Variants in TRRAP observed in about 807,000 individuals in gnomAD.
The protein encoded by TRRAP is transformation/transcription domain associated protein.
A neutral mutation model predicts 438.8 loss-of-function variants in TRRAP; 41 were observed. That is an observed-to-expected ratio of 0.09 (90% CI 0.07 to 0.12). The LOEUF (loss-of-function observed/expected upper bound fraction) is 0.12. Ranked by LOEUF, TRRAP falls within the 10% of genes least tolerant of loss-of-function variation. The pLI is 1.00. For synonymous variants in TRRAP, 1,994 were observed against 1,962.9 expected (o/e 1.02, Z -0.42); for missense variants, 3,122 against 5,055.1 (o/e 0.62, Z 11.60).
chr7:98,910,429 C>T lies in TRRAP; in HGVS notation c.1714+10C>T. 6.2e-7 allele frequency: 1 copy of T among 1,610,902 alleles called. No individual in the cohort carries two copies. The highest frequency in any genetic ancestry group is 8.5e-7 in the Non-Finnish European group (1 of 1,179,512). On this transcript the variant is annotated intron_variant, in intron 15 of 72. Transcript: ENST00000456197. ...TGCAAAGCACCTGGTGGTAATTCTG[C>T]TCTTCAGTTATGTAGACAAACAATA... is the stretch of plus-strand genomic sequence containing the variant.
At chr7:98,942,370 C>G (rs1790835259) in intron 30 of TRRAP, among the ~76,000 whole-genome samples, 1 of 152,218 alleles carries the variant, frequency 6.6e-6, no homozygotes, top group African/African-American at 2.4e-5. Context: ...CTGTCAGGGC[C>G]TTTGCCCTCC....
At chr7:99,002,196 T>C (rs1367882456) in intron 67 of TRRAP, among the ~76,000 whole-genome samples, 1 of 152,160 alleles carries the variant, frequency 6.6e-6, no homozygotes, top group African/African-American at 2.4e-5. Flanking sequence ...ATGGTGCAGC[T>C]CAGCAACTGA....
At chr7:98,934,006 T>C (rs1373755532) in intron 27 of TRRAP, among the ~76,000 whole-genome samples, 4 of 152,246 alleles carry the variant, frequency 2.6e-5, no homozygotes, top group African/African-American at 9.6e-5. Context: ...AGCCGAGTTC[T>C]TATTTTTTTT....
intron 67 of TRRAP, chr7:98,999,489 C>T (rs546287966): frequency 1.2e-5 from 9 of 770,494 alleles, no homozygotes; most frequent in African/African-American, 6.8e-5. Context: ...GAGAACTTAT[C>T]GTGAGCTCAG....
At chr7:98,945,677 T>C in intron 31 of TRRAP, 70 bp from the exon 32 acceptor site, 1 of 1,567,340 alleles carries the variant, frequency 6.4e-7, no homozygotes, top group Non-Finnish European at 8.6e-7. Flanking sequence ...CTTACTGTGT[T>C]TGAGTATGTG....
At position 98,953,191 on chromosome 7, in the gene TRRAP, G is replaced by T; in HGVS notation, c.5488G>T (p.Asp1830Tyr). The T allele has an allele frequency of 6.2e-7, 1 of 1,613,042 alleles. No individual in the cohort carries two copies. The change falls in exon 40 of 73, where the codon GAC becomes TAC. Residue 1830 changes from aspartate to tyrosine, a missense_variant. Coordinates refer to ENST00000456197, the MANE Select transcript of TRRAP (RefSeq NM_001375524.1). ...GGTCCTGGACCCCGAGAAGCAGGCG[G>T]ACATGCTGGACTCGCTGCGGATCTA... ...TKVLDPEKQADMLDSLRIYLL... is the reference protein window; with the variant it reads ...TKVLDPEKQAYMLDSLRIYLL...
intron 27 of TRRAP, 89 bp downstream of exon 27, chr7:98,933,491 T>C (rs1790418998): frequency 2.0e-6 from 3 of 1,499,412 alleles, no homozygotes; most frequent in Admixed American, 1.9e-5. Flanking sequence ...TCAGGCAGCA[T>C]TCAGAGAAGG....
intron 51 of TRRAP, 93 bp downstream of exon 51, chr7:98,967,791 A>G: frequency 8.9e-7 from 1 of 1,120,912 alleles, no homozygotes. Flanking sequence ...ACACACTGAG[A>G]TGAATTGGAA....
intron 19 of TRRAP, among the ~76,000 whole-genome samples, chr7:98,916,507 C>G (rs1163916835): frequency 6.6e-6 from 1 of 152,158 alleles, no homozygotes; most frequent in Non-Finnish European, 1.5e-5. Flanking sequence ...TGACCCTTCT[C>G]ATGTATTTCC....
Position 98,948,406 on chromosome 7 carries a change from G to A in TRRAP, c.4668+66G>A. 6 of 1,611,172 alleles carry A rather than the reference G, an allele frequency of 3.7e-6. No individual in the cohort carries two copies. The highest frequency in any genetic ancestry group is 5.1e-6 in the Non-Finnish European group (6 of 1,178,328). On this transcript the variant is annotated intron_variant, in intron 34 of 72. Transcript: ENST00000456197. This position sits in a 1 kb window ranked among gnomAD's most constrained non-coding sequence, Gnocchi z 4.9. ...TCCGGTGCTTATAGCGTCCTCACTT[G>A]ATCGTATTTTCAATGGACGGAACAG...
intron 4 of TRRAP, among the ~76,000 whole-genome samples, chr7:98,891,011 G>A (rs1795943060): frequency 6.7e-6 from 1 of 150,270 alleles, no homozygotes; most frequent in African/African-American, 2.4e-5. Context: ...GCCCAGGCTG[G>A]TCTTGAACTC....
chr7:98,972,776 T>C (rs1792476394), intron 53 of TRRAP, among the ~76,000 whole-genome samples: 1 of 152,220 alleles, frequency 6.6e-6, no homozygotes, highest in Admixed American at 6.5e-5. Context: ...CAAACTACTT[T>C]TCGCAAGTGA....
At position 98,910,226 on chromosome 7, in the gene TRRAP, TCCAC is replaced by T; in HGVS notation, c.1524_1527del (p.Pro509ArgfsTer10). The T allele has an allele frequency of 7.4e-6, 2 of 271,752 alleles. No individual in the cohort carries two copies. Among genetic ancestry groups the T allele is most frequent in the Non-Finnish European group, 1.0e-5 (2 of 195,590 alleles). The allele number at this position is 271,752 out of a possible 1,614,324, so 16.8% of individuals were successfully genotyped here. On this transcript the variant is annotated frameshift_variant, in exon 15 of 73. Coordinates refer to ENST00000456197, the MANE Select transcript of TRRAP (RefSeq NM_001375524.1). LOFTEE classifies it high-confidence loss of function. ...CCCCAGCCCCTGTCCCTGCCCCACCTCCACCCCCGCCCCCACCCCCACCTGCCAC... is the reference window on the plus strand; with the variant it reads ...CCCCAGCCCCTGTCCCTGCCCCACCTCCCCGCCCCCACCCCCACCTGCCAC...
At position 98,956,017 on chromosome 7, in the gene TRRAP, A is replaced by C; in HGVS notation, c.5938-129A>C. 8.7e-7 allele frequency: 1 copy of C among 1,148,284 alleles called. No homozygotes were observed. Among genetic ancestry groups the C allele is most frequent in the Non-Finnish European group, 1.2e-6 (1 of 830,362 alleles). 71.1% of individuals were successfully genotyped at this position (1,148,284 alleles called of 1,614,324 possible). On this transcript the variant is annotated intron_variant, in intron 41 of 72. Transcript: ENST00000456197. The surrounding 1 kb of genome is among the most constrained non-coding windows in gnomAD (Gnocchi z 4.5). ...TAGGATTCAGAATTCTTGAGCATCAAGTTGGGCTGTGTGTGTATGTTGGGG... is the reference window on the plus strand; with the variant it reads ...TAGGATTCAGAATTCTTGAGCATCACGTTGGGCTGTGTGTGTATGTTGGGG...
At chr7:98,888,027 G>A (rs1795791561) in intron 3 of TRRAP, among the ~76,000 whole-genome samples, 1 of 152,084 alleles carries the variant, frequency 6.6e-6, no homozygotes, top group Admixed American at 6.6e-5. Context: ...TCAGGAGATC[G>A]AGACCATCTT....
chr7:98,962,357 C>G lies in TRRAP; in HGVS notation c.6759C>G (p.Val2253=). The G allele has an allele frequency of 6.2e-7, 1 of 1,614,198 alleles. No homozygotes were observed. Among genetic ancestry groups the G allele is most frequent in the East Asian group, 2.2e-5 (1 of 44,866 alleles). ...AGCTGGAGTGCCTCTACGCAGCCGT[C>G]GGAAAGGTCATCTATGAAGGGCTCA... is the stretch of plus-strand genomic sequence containing the variant. ...YEELECLYAA[V]GKVIYEGLTN... Residue 2253 remains valine (V), a synonymous_variant, in exon 47 of 73, where the codon GTC becomes GTG. Transcript: ENST00000456197.
Position 98,958,016 on chromosome 7 carries a change from C to G in TRRAP, c.6267C>G (p.Asp2089Glu). ...FGRSQSLPGA[D>E]SLLAKPIDKQ... Reference sequence around the variant, plus strand: ...GGAGCCAGTCGCTACCTGGAGCAGACTCTCTCCTCGCCAAGCCCATTGACA... The same window carrying G: ...GGAGCCAGTCGCTACCTGGAGCAGAGTCTCTCCTCGCCAAGCCCATTGACA... Residue 2089 changes from aspartate (D) to glutamate (E), a missense_variant, in exon 44 of 73, where the codon GAC becomes GAG. Physicochemically the swap from Asp to Glu is conservative, Grantham distance 45 (BLOSUM62 2). Transcript: ENST00000456197. The G allele has an allele frequency of 1.2e-6, 2 of 1,614,204 alleles. No homozygotes were observed. Among genetic ancestry groups the G allele is most frequent in the Non-Finnish European group, 1.7e-6 (2 of 1,180,042 alleles).
At chr7:98,880,375 T>G (rs1487823882) in intron 1 of TRRAP, among the ~76,000 whole-genome samples, 1 of 151,656 alleles carries the variant, frequency 6.6e-6, no homozygotes, top group African/African-American at 2.4e-5. Flanking sequence ...GTGATTCTCC[T>G]GCTTCAGCCT....
Position 98,910,286 on chromosome 7 carries a change from C to T in TRRAP, c.1581C>T (p.Phe527=), listed in dbSNP as rs138096391. 7.0e-5 allele frequency: 113 copies of T among 1,603,596 alleles called. No homozygotes were observed. The highest frequency in any genetic ancestry group is 8.2e-5 in the Non-Finnish European group (97 of 1,179,342). The stretch of plus-strand genomic sequence containing the variant: ...TGACCCCGGCCCCCGTGCCTCCCTT[C>T]GAGAAGCAAGGAGAAAAGGACAAGG... ...TPVTPAPVPP[F]EKQGEKDKED... Residue 527 remains phenylalanine (F), a synonymous_variant, in exon 15 of 73, where the codon TTC becomes TTT. Transcript: ENST00000456197.
Sources: allele counts gnomAD v4.1 joint callset (sites outside exome capture counted in the v4.1 genomes callset), GRCh38; gene constraint gnomAD v4.1.1; non-coding constraint Gnocchi (gnomAD v3.1); transcripts MANE v1.5; gene names NCBI Gene and HGNC (gene_info 2026-07-23, HGNC 2026-07-21).